The following SYNPR variants were observed in gnomAD, a reference collection of about 807,000 sequenced individuals.
SYNPR encodes synaptoporin.
In SYNPR, 23 loss-of-function variants were observed where a neutral mutation model predicts 32.9. That is an observed-to-expected ratio of 0.70 (90% confidence interval 0.50 to 0.99). SYNPR has a LOEUF of 0.99. Ranked by LOEUF, SYNPR falls within the 50% of genes least tolerant of loss-of-function variation. The pLI, the probability that SYNPR is intolerant of heterozygous loss-of-function variation, is 0.00. For missense variants in SYNPR, 318 were observed against 349.3 expected, an observed-to-expected ratio of 0.91 and a Z score of 0.71; for synonymous variants, 146 against 135.9, an observed-to-expected ratio of 1.07 and a Z score of -0.52.
intron 2 of SYNPR, among the ~76,000 whole-genome samples, chr3:63,362,574 A>G (rs985698077): frequency 2.6e-5 from 4 of 152,218 alleles, no homozygotes; most frequent in Non-Finnish European, 4.4e-5. Flanking sequence ...AGTAACCTTT[A>G]TCTTCAAGGA....
chr3:63,410,985 G>C (rs1434904367), intron 2 of SYNPR, among the ~76,000 whole-genome samples: 1 of 152,094 alleles, frequency 6.6e-6, no homozygotes, highest in Non-Finnish European at 1.5e-5. Context: ...CTAGAAATTT[G>C]GCATTAAGCC....
At chr3:63,428,443 G>C (rs1403479806) in intron 2 of SYNPR, among the ~76,000 whole-genome samples, 1 of 152,300 alleles carries the variant, frequency 6.6e-6, no homozygotes, top group African/African-American at 2.4e-5. Context: ...ATAGCTATTA[G>C]AAGCATGATT....
chr3:63,424,213 C>T (rs969058103), intron 2 of SYNPR, among the ~76,000 whole-genome samples: 2 of 152,278 alleles, frequency 1.3e-5, no homozygotes, highest in Middle Eastern at 3.4e-3. Flanking sequence ...TATATGGAAA[C>T]TCTCTGTTAT....
intron 2 of SYNPR, among the ~76,000 whole-genome samples, chr3:63,437,589 G>C (rs1034351611): frequency 6.9e-6 from 1 of 144,280 alleles, no homozygotes; most frequent in African/African-American, 2.5e-5. Context: ...GTGAGAGAGA[G>C]AGAGAAAGAA....
the SYNPR span, among the ~76,000 whole-genome samples, chr3:63,207,696 T>C: frequency 2.0e-5 from 3 of 152,278 alleles, no homozygotes; most frequent in South Asian, 2.1e-4. Flanking sequence ...TCTGAGATAC[T>C]AGAATGAAAA....
chr3:63,612,579 A>G (rs1057136584), intron 5 of SYNPR, among the ~76,000 whole-genome samples: 1 of 152,120 alleles, frequency 6.6e-6, no homozygotes, highest in Non-Finnish European at 1.5e-5. Flanking sequence ...TCTTACCCCA[A>G]TTTCAGTTCC....
At chr3:63,596,334 C>G (rs944400256) in intron 4 of SYNPR, among the ~76,000 whole-genome samples, 1 of 144,546 alleles carries the variant, frequency 6.9e-6, no homozygotes, top group Non-Finnish European at 1.5e-5. Context: ...CCCCTTCCCC[C>G]TCCACTTTCT....
chr3:63,411,894 G>T lies in SYNPR; in HGVS notation c.85-68938G>T, dbSNP rs913113486. Among the ~76,000 whole-genome samples the T allele has an allele frequency of 5.3e-5, 8 of 152,212 alleles. No homozygotes were observed. The South Asian group carries it at 1.7e-3, about 32-fold the overall frequency. On this transcript the variant is annotated intron_variant, in intron 2 of 5. Coordinates refer to ENST00000478300, the MANE Select transcript of SYNPR (RefSeq NM_001130003.2). ...TTTAAGCCCTGTGATAACATTGTCA[G>T]ATGTGCATTCTAAAATGCCATTTTG...
chr3:63,404,471 T>C (rs2088333514), intron 2 of SYNPR, among the ~76,000 whole-genome samples: 1 of 152,192 alleles, frequency 6.6e-6, no homozygotes, highest in South Asian at 2.1e-4. Flanking sequence ...AAATCAATTA[T>C]CAATTATCTT....
intron 3 of SYNPR, among the ~76,000 whole-genome samples, chr3:63,497,552 G>GTT (rs564665863): frequency 1.7e-4 from 25 of 143,966 alleles, no homozygotes; most frequent in African/African-American, 2.0e-4. Context: ...GGGTGTTGCT[G>GTT]TTTTTTTTTT....
chr3:63,408,324 G>GAAAGAA (rs1553876989), intron 2 of SYNPR, among the ~76,000 whole-genome samples: 28 of 109,714 alleles, frequency 2.6e-4, no homozygotes, highest in Non-Finnish European at 4.4e-4. Context: ...AGGAAGGAAA[G>GAAAGAA]AAAGAAAGAA....
chr3:63,420,124 T>C (rs940363063), intron 2 of SYNPR, among the ~76,000 whole-genome samples: 3 of 152,146 alleles, frequency 2.0e-5, no homozygotes, highest in Admixed American at 6.5e-5. Context: ...AGATTCAATA[T>C]TGTAAAGATG....
At chr3:63,322,820 T>C (rs1462604018) in intron 2 of SYNPR, among the ~76,000 whole-genome samples, 1 of 152,196 alleles carries the variant, frequency 6.6e-6, no homozygotes, top group Non-Finnish European at 1.5e-5. Flanking sequence ...TAAGTTCTTA[T>C]GTAAGACCCA....
chr3:63,448,299 C>A (rs1462930501), intron 2 of SYNPR, among the ~76,000 whole-genome samples: 1 of 152,216 alleles, frequency 6.6e-6, no homozygotes, highest in African/African-American at 2.4e-5. Flanking sequence ...CCATCATTCC[C>A]AACCTTACAC....
chr3:63,486,766 C>T (rs1358659516), intron 3 of SYNPR, among the ~76,000 whole-genome samples: 1 of 152,112 alleles, frequency 6.6e-6, no homozygotes, highest in Non-Finnish European at 1.5e-5. Context: ...AAACAAATAG[C>T]TTGGTTGGAA....
chr3:63,576,117 C>A (rs373085764), intron 4 of SYNPR, among the ~76,000 whole-genome samples: 9 of 152,186 alleles, frequency 5.9e-5, no homozygotes, highest in East Asian at 3.9e-4. Flanking sequence ...ATATACTGTG[C>A]TTTCTTTTAC....
intron 2 of SYNPR, among the ~76,000 whole-genome samples, chr3:63,319,058 T>C (rs2087078542): frequency 6.6e-6 from 1 of 152,048 alleles, no homozygotes; most frequent in African/African-American, 2.4e-5. Flanking sequence ...CGAGTCTACC[T>C]GGCTCTGGGC....
intron 2 of SYNPR, among the ~76,000 whole-genome samples, chr3:63,383,789 A>G (rs1024521412): frequency 6.6e-6 from 1 of 152,212 alleles, no homozygotes; most frequent in African/African-American, 2.4e-5. Flanking sequence ...AATCTCCTCT[A>G]TAATAGTTTA....
At chr3:63,351,109 G>A (rs570033666) in intron 2 of SYNPR, among the ~76,000 whole-genome samples, 16 of 152,200 alleles carry the variant, frequency 1.1e-4, no homozygotes, top group East Asian at 5.8e-4. Context: ...CCTGATCTTC[G>A]TTGGTTTTAC....
Sources: gnomAD v4.1 joint callset for allele counts (sites outside exome capture counted in the v4.1 genomes callset) on GRCh38, gnomAD v4.1.1 for gene constraint, MANE v1.5 for transcripts, NCBI Gene and HGNC (gene_info 2026-07-23, HGNC 2026-07-21) for gene names.